YTHDF3: variants seen among roughly 807,000 people sequenced by gnomAD.
The protein encoded by YTHDF3 is YTH domain-containing family protein 3.
Under a neutral mutation model 52.5 loss-of-function variants are expected in YTHDF3, and 9 were observed. The observed-to-expected ratio is 0.17, with a 90% CI of 0.10 to 0.30. YTHDF3 has a LOEUF of 0.30. Among genes scored for constraint, YTHDF3 ranks in the 10% least tolerant of loss-of-function variants. The probability of loss-of-function intolerance (pLI) is 1.00; values close to 1 mark genes in which losing one functional copy is unlikely to be tolerated. For missense variants in YTHDF3, 534 were observed against 715.0 expected, an observed-to-expected ratio of 0.75 and a Z score of 2.89; for synonymous variants, 274 against 243.3, an observed-to-expected ratio of 1.13 and a Z score of -1.18.
chr8:63,206,269 G>T (rs1310884643), intron 4 of YTHDF3, among the ~76,000 whole-genome samples: 1 of 151,958 alleles, frequency 6.6e-6, no homozygotes, highest in Non-Finnish European at 1.5e-5. Context: ...GACGGGGTTT[G>T]TCAGGCTGGT....
At chr8:63,181,911 CA>C (rs1386732187) in intron 3 of YTHDF3, among the ~76,000 whole-genome samples, 3 of 152,076 alleles carry the variant, frequency 2.0e-5, no homozygotes, top group Non-Finnish European at 4.4e-5. Flanking sequence ...TTTCTTATGA[CA>C]TGATTAGATA....
chr8:63,181,000 A>T (rs1203629007), intron 3 of YTHDF3, among the ~76,000 whole-genome samples: 1 of 152,210 alleles, frequency 6.6e-6, no homozygotes, highest in Non-Finnish European at 1.5e-5. Context: ...CATTTCTTAA[A>T]ATTAGTTCTT....
chr8:63,169,332 TTTTTC>T (rs1807119459), intron 1 of YTHDF3, 50 bp from the exon 2 acceptor site: 1 of 1,565,106 alleles, frequency 6.4e-7, no homozygotes, highest in Admixed American at 1.9e-5. Flanking sequence ...ATTAACACAC[TTTTTC>T]TTTTCTTCCT....
intron 4 of YTHDF3, among the ~76,000 whole-genome samples, chr8:63,193,187 G>C (rs1351440034): frequency 6.6e-6 from 1 of 152,004 alleles, no homozygotes; most frequent in Non-Finnish European, 1.5e-5. Context: ...ATACCAGCCT[G>C]GCCAACATGG....
intron 3 of YTHDF3, among the ~76,000 whole-genome samples, chr8:63,178,399 G>A (rs1807844945): frequency 6.6e-6 from 1 of 152,134 alleles, no homozygotes; most frequent in Admixed American, 6.5e-5. Flanking sequence ...GTTTTAAAAA[G>A]TGTTTGGGAA....
At position 63,186,369 on chromosome 8, in the gene YTHDF3, G is replaced by C; in HGVS notation, c.358G>C (p.Gly120Arg). ...ATTAGGAAATACCCCTCCATTTCTTGGTCAACATGGATTTAACTTTTTTCC... is the reference window on the plus strand; with the variant it reads ...ATTAGGAAATACCCCTCCATTTCTTCGTCAACATGGATTTAACTTTTTTCC... ...GALGNTPPFL[G>R]QHGFNFFPGN... Residue 120 changes from glycine (G) to arginine (R), a missense_variant, in exon 4 of 5, where the codon GGT (glycine) becomes CGT (arginine). Transcript: ENST00000539294. 6.2e-7 allele frequency: 1 copy of C among 1,613,962 alleles called. No individual in the cohort carries two copies. Among genetic ancestry groups the C allele is most frequent in the Non-Finnish European group, 8.5e-7 (1 of 1,179,878 alleles).
chr8:63,195,232 A>C (rs988169074), intron 4 of YTHDF3, among the ~76,000 whole-genome samples: 1 of 152,216 alleles, frequency 6.6e-6, no homozygotes, highest in African/African-American at 2.4e-5. Context: ...TAATTTTGAT[A>C]TATTTGAGTA....
chr8:63,183,106 G>A (rs543995405), intron 3 of YTHDF3, among the ~76,000 whole-genome samples: 2 of 152,110 alleles, frequency 1.3e-5, no homozygotes, highest in East Asian at 1.9e-4. Flanking sequence ...GATTACAGGT[G>A]TATGCTCCCA....
intron 2 of YTHDF3, chr8:63,172,889 C>A: frequency 9.9e-7 from 1 of 1,009,042 alleles, no homozygotes; most frequent in Non-Finnish European, 1.3e-6. Flanking sequence ...TTTCAGACTC[C>A]AAGACATTAG....
At chr8:63,209,155 A>G (rs190453925) in intron 4 of YTHDF3, among the ~76,000 whole-genome samples, 8 of 152,346 alleles carry the variant, frequency 5.3e-5, no homozygotes, top group African/African-American at 1.9e-4. Flanking sequence ...GGCATGAGCC[A>G]CTGCGCCCGG....
In YTHDF3 at chr8:63,211,867, AT is replaced by A. The variant is rs1301564237; in HGVS notation, c.*2162del. 6.6e-6 allele frequency: 1 copy of A among 152,514 alleles called. No individual in the cohort carries two copies. The highest frequency in any genetic ancestry group is 1.5e-5 in the Non-Finnish European group (1 of 67,992). 9.4% of individuals were successfully genotyped at this position (152,514 alleles called of 1,614,324 possible). ...GTGCAGCATTCCTTTGGAAAAAAAA[AT>A]CTTTTTATTTTCAAGTGATAATTTT... On this transcript the variant is annotated 3_prime_UTR_variant, in exon 5 of 5. Transcript: ENST00000539294.
At chr8:63,201,306 T>A (rs1259158316) in intron 4 of YTHDF3, among the ~76,000 whole-genome samples, 1 of 152,168 alleles carries the variant, frequency 6.6e-6, no homozygotes, top group African/African-American at 2.4e-5. Context: ...GGAGGATTGC[T>A]TGAGGCCAGG....
At chr8:63,201,890 G>T (rs1395045498) in intron 4 of YTHDF3, among the ~76,000 whole-genome samples, 3 of 152,126 alleles carry the variant, frequency 2.0e-5, no homozygotes, top group East Asian at 3.8e-4. Flanking sequence ...GCATTCCTTT[G>T]CTTGACTTTA....
chr8:63,203,219 G>A (rs1429042836), intron 4 of YTHDF3, among the ~76,000 whole-genome samples: 2 of 149,776 alleles, frequency 1.3e-5, no homozygotes, highest in Non-Finnish European at 2.9e-5. Flanking sequence ...CTCCAGCCTG[G>A]GTGACAAGAG....
intron 3 of YTHDF3, among the ~76,000 whole-genome samples, chr8:63,180,277 T>C (rs542875159): frequency 0.035 from 4,828 of 136,748 alleles, 268 homozygotes; most frequent in African/African-American, 0.13. Context: ...CGGGCAGAGA[T>C]GCTCCTCACA....
intron 4 of YTHDF3, among the ~76,000 whole-genome samples, chr8:63,197,866 G>A (rs564597611): frequency 6.6e-6 from 1 of 152,180 alleles, no homozygotes; most frequent in African/African-American, 2.4e-5. Context: ...GACTATTGAG[G>A]TGATTCTTTC....
Position 63,187,392 on chromosome 8 carries a change from C to G in YTHDF3, c.1381C>G (p.Leu461Val), listed in dbSNP as rs750088240. ...CCGTTCCCTGAATGGGAAAGGCCCA[C>G]TCTATTTACTCTTCAGTGTGAATGG... ...AYRSLNGKGP[L>V]YLLFSVNGSG... The change falls in exon 4 of 5, where the codon CTC (leucine) becomes GTC (valine). Residue 461 changes from leucine to valine, a missense_variant. Leu to Val is a conservative substitution (Grantham distance 32). Around this residue, in one of 3 missense-constraint regions of YTHDF3, gnomAD observed 135 missense variants for 214.2 expected, o/e 0.63. Coordinates refer to ENST00000539294, the MANE Select transcript of YTHDF3 (RefSeq NM_152758.6). 10 of 1,613,994 alleles carry G rather than the reference C, an allele frequency of 6.2e-6. No homozygotes were observed. Among genetic ancestry groups the G allele is most frequent in the Non-Finnish European group, 8.5e-6 (10 of 1,179,890 alleles).
intron 2 of YTHDF3, among the ~76,000 whole-genome samples, chr8:63,169,895 G>A (rs1807174465): frequency 6.6e-6 from 1 of 152,208 alleles, no homozygotes; most frequent in Non-Finnish European, 1.5e-5. Context: ...CAACATGAGA[G>A]AGGTTAGAAC....
chr8:63,169,324 T>G (rs1807118110), intron 1 of YTHDF3, 63 bp from the exon 2 acceptor site: 2 of 1,552,140 alleles, frequency 1.3e-6, no homozygotes, highest in Non-Finnish European at 1.7e-6. Context: ...TGCCTTTGAT[T>G]AACACACTTT....
Sources: gnomAD v4.1 joint callset for allele counts (sites outside exome capture counted in the v4.1 genomes callset) on GRCh38, gnomAD v4.1.1 for gene constraint, gnomAD v4.1.1 regional missense constraint, MANE v1.5 for transcripts, NCBI Gene and HGNC (gene_info 2026-07-23, HGNC 2026-07-21) for gene names.